Variants in SEMA3A observed in about 807,000 individuals in gnomAD.
SEMA3A encodes semaphorin 3A.
A neutral mutation model predicts 97.9 loss-of-function variants in SEMA3A; 29 were observed. The ratio of observed to expected loss-of-function variants is 0.30; its 90% confidence interval spans 0.22 to 0.40. The LOEUF (loss-of-function observed/expected upper bound fraction) is 0.40, where lower values mean the gene tolerates loss of function less well. Ranked by LOEUF, SEMA3A falls within the 10% of genes least tolerant of loss-of-function variation. The pLI, the probability that SEMA3A is intolerant of heterozygous loss-of-function variation, is 1.00. For synonymous variants in SEMA3A, 321 were observed against 323.7 expected (o/e 0.99, Z 0.09); for missense variants, 763 against 951.3 (o/e 0.80, Z 2.60).
At chr7:84,346,268 A>G (rs955232825) in intron 2 of SEMA3A, among the ~76,000 whole-genome samples, 1 of 152,154 alleles carries the variant, frequency 6.6e-6, no homozygotes, top group African/African-American at 2.4e-5. Flanking sequence ...TTCTATCCAG[A>G]CCACTAAAAA....
chr7:84,344,082 A>G (rs187346622), intron 2 of SEMA3A, among the ~76,000 whole-genome samples: 1 of 152,282 alleles, frequency 6.6e-6, no homozygotes, highest in Admixed American at 6.5e-5. Context: ...TGACTTTACA[A>G]AAAATACATT....
At chr7:84,241,167 T>G (rs1223205750) in intron 3 of SEMA3A, among the ~76,000 whole-genome samples, 1 of 152,208 alleles carries the variant, frequency 6.6e-6, no homozygotes, top group Non-Finnish European at 1.5e-5. Context: ...TCTACATCCT[T>G]GAGGAATCAC....
At position 84,070,168 on chromosome 7, in the gene SEMA3A, T is replaced by C. The variant is rs113115861; in HGVS notation, c.454-9610A>G. Among the ~76,000 whole-genome samples, 210 of 152,290 alleles carry C rather than the reference T, an allele frequency of 1.4e-3. 2 individuals are homozygous for C. Among genetic ancestry groups the C allele is most frequent in the African/African-American group, 4.8e-3 (200 of 41,580 alleles). ...AAATACATGAATAAAACTTTAGCTA[T>C]ACTGATTCTAATTGCTTTAGCAGAT... On this transcript the variant is annotated intron_variant, in intron 4 of 16. Coordinates refer to ENST00000265362, the MANE Select transcript of SEMA3A (RefSeq NM_006080.3).
intron 1 of SEMA3A, among the ~76,000 whole-genome samples, chr7:84,156,777 T>C (rs1796859057): frequency 6.6e-6 from 1 of 152,124 alleles, no homozygotes; most frequent in Admixed American, 6.6e-5. Flanking sequence ...GTCAAAGTCC[T>C]CTAGCCTGAC....
At chr7:84,204,374 T>C (rs1798436177) in intron 3 of SEMA3A, among the ~76,000 whole-genome samples, 2 of 152,140 alleles carry the variant, frequency 1.3e-5, no homozygotes, top group African/African-American at 2.4e-5. Flanking sequence ...TCAAATGGGA[T>C]ATATTTTTTT....
chr7:84,447,911 AG>A (rs1343447706), intron 1 of SEMA3A, among the ~76,000 whole-genome samples: 34 of 152,324 alleles, frequency 2.2e-4, no homozygotes, highest in African/African-American at 7.2e-4. Context: ...GCATTCCGCT[AG>A]CTCAGACACA....
chr7:84,449,761 A>T (rs1304756724), intron 1 of SEMA3A, among the ~76,000 whole-genome samples: 1 of 152,136 alleles, frequency 6.6e-6, no homozygotes, highest in Non-Finnish European at 1.5e-5. Context: ...GTCCTCTGGC[A>T]ATCGTCATTC....
At chr7:84,327,049 A>T (rs1403278949) in intron 2 of SEMA3A, among the ~76,000 whole-genome samples, 1 of 152,038 alleles carries the variant, frequency 6.6e-6, no homozygotes, top group East Asian at 1.9e-4. Flanking sequence ...AATACTTGCA[A>T]ACTAGGCACC....
chr7:84,019,500 AG>A (rs971309803), intron 6 of SEMA3A, among the ~76,000 whole-genome samples: 5 of 148,652 alleles, frequency 3.4e-5, no homozygotes, highest in African/African-American at 1.3e-4. Flanking sequence ...GTTCTTCCTT[AG>A]ATTTTTATTC....
intron 1 of SEMA3A, among the ~76,000 whole-genome samples, chr7:84,393,269 T>G (rs1803634170): frequency 6.6e-6 from 1 of 152,132 alleles, no homozygotes; most frequent in Admixed American, 6.6e-5. Flanking sequence ...CATAAGGATA[T>G]CCAGTTTGCC....
intron 3 of SEMA3A, among the ~76,000 whole-genome samples, chr7:84,262,291 T>C (rs1361865106): frequency 6.6e-6 from 1 of 152,138 alleles, no homozygotes; most frequent in East Asian, 1.9e-4. Flanking sequence ...CCTGGCTCAT[T>C]GTAACCTCCA....
chr7:84,300,204 TA>T (rs1225253001), intron 3 of SEMA3A, among the ~76,000 whole-genome samples: 1 of 150,962 alleles, frequency 6.6e-6, no homozygotes, highest in East Asian at 1.9e-4. Context: ...AGAAGTCAAA[TA>T]TCATATTTTT....
chr7:83,996,300 C>CTTTTTTTTTTT (rs35148121), intron 12 of SEMA3A, among the ~76,000 whole-genome samples: 1 of 111,980 alleles, frequency 8.9e-6, no homozygotes. Context: ...TACTAGTAAT[C>CTTTTTTTTTTT]TTTTTTTTTT....
At chr7:84,460,711 T>C (rs1805813389) in intron 1 of SEMA3A, among the ~76,000 whole-genome samples, 1 of 152,188 alleles carries the variant, frequency 6.6e-6, no homozygotes, top group South Asian at 2.1e-4. Flanking sequence ...CAAAACTTTA[T>C]TATATGCTTT....
intron 2 of SEMA3A, among the ~76,000 whole-genome samples, chr7:84,360,648 G>A (rs555837214): frequency 5.3e-5 from 8 of 152,148 alleles, no homozygotes; most frequent in South Asian, 4.2e-4. Context: ...ATGTCAAGAC[G>A]AGTGTAGTAT....
At chr7:84,023,747 A>T (rs1489350739) in intron 6 of SEMA3A, among the ~76,000 whole-genome samples, 1 of 152,202 alleles carries the variant, frequency 6.6e-6, no homozygotes, top group Non-Finnish European at 1.5e-5. Context: ...GCTATGGCTC[A>T]CGCCTGTAAT....
chr7:84,404,158 C>A (rs896163796), intron 1 of SEMA3A, among the ~76,000 whole-genome samples: 1 of 151,982 alleles, frequency 6.6e-6, no homozygotes, highest in Non-Finnish European at 1.5e-5. Flanking sequence ...AAAAATTAGA[C>A]GAATGGATAA....
chr7:84,089,000 A>G (rs1794478608), intron 4 of SEMA3A, among the ~76,000 whole-genome samples: 1 of 151,260 alleles, frequency 6.6e-6, no homozygotes, highest in Admixed American at 6.6e-5. Context: ...TTCAGAGCTT[A>G]CAGTAAGAGT....
intron 5 of SEMA3A, among the ~76,000 whole-genome samples, chr7:84,047,472 C>T (rs77538111): frequency 0.023 from 3,560 of 152,102 alleles, 36 homozygotes; most frequent in Middle Eastern, 0.044. Flanking sequence ...AAGGTTCAAA[C>T]TCAGGTCTGT....
Sources: gnomAD v4.1 joint callset for allele counts (sites outside exome capture counted in the v4.1 genomes callset) on GRCh38, gnomAD v4.1.1 for gene constraint, MANE v1.5 for transcripts, NCBI Gene and HGNC (gene_info 2026-07-23, HGNC 2026-07-21) for gene names.